The following CUX1 variants were observed in gnomAD, a reference collection of about 807,000 sequenced individuals.
The protein encoded by CUX1 is cut like homeobox 1, also known as protein CASP.
CUX1 carries 31 observed loss-of-function variants against 158.8 expected under a neutral mutation model. The ratio of observed to expected loss-of-function variants is 0.20; its 90% CI spans 0.15 to 0.26. The LOEUF (loss-of-function observed/expected upper bound fraction) is 0.26. CUX1 is among the 10% of genes least tolerant of loss of function. The pLI is 1.00. For synonymous variants in CUX1, 879 were observed against 862.1 expected (o/e 1.02, Z -0.34); for missense variants, 1,589 against 2,014.6 (o/e 0.79, Z 4.04).
intron 3 of CUX1, among the ~76,000 whole-genome samples, chr7:102,053,341 G>A (rs1230828853): frequency 6.6e-6 from 1 of 152,094 alleles, no homozygotes; most frequent in Non-Finnish European, 1.5e-5. Context: ...TATTTATGGG[G>A]TGGAGCACAT....
intron 3 of CUX1, among the ~76,000 whole-genome samples, chr7:102,053,455 ACTT>A (rs1347062891): frequency 6.6e-6 from 1 of 152,108 alleles, no homozygotes; most frequent in Admixed American, 6.6e-5. Context: ...ATCCGATTAT[ACTT>A]CTTTAATTGC....
intron 1 of CUX1, among the ~76,000 whole-genome samples, chr7:101,840,208 AAAT>A (rs1795072928): frequency 6.6e-6 from 1 of 152,200 alleles, no homozygotes; most frequent in Non-Finnish European, 1.5e-5. Flanking sequence ...TTTTCTCTGG[AAAT>A]AATATATGCA....
intron 8 of CUX1, among the ~76,000 whole-genome samples, chr7:102,129,520 CT>C (rs754543395): frequency 6.6e-6 from 1 of 151,978 alleles, no homozygotes; most frequent in Non-Finnish European, 1.5e-5. Context: ...CCTGTCTCTA[CT>C]AAAAATACAA....
intron 3 of CUX1, among the ~76,000 whole-genome samples, chr7:102,069,703 G>A (rs371021539): frequency 6.6e-6 from 1 of 152,182 alleles, no homozygotes; most frequent in Non-Finnish European, 1.5e-5. Context: ...AGCTGAGATC[G>A]TGCTACTGCA....
intron 2 of CUX1, among the ~76,000 whole-genome samples, chr7:101,917,034 C>T (rs955780836): frequency 2.0e-5 from 3 of 152,204 alleles, no homozygotes; most frequent in Non-Finnish European, 4.4e-5. Flanking sequence ...CCCAGCCTCT[C>T]TTACATCTTC....
At position 102,189,863 on chromosome 7, in the gene CUX1, A is replaced by G; in HGVS notation, c.1068A>G (p.Lys356=). 1.2e-6 allele frequency: 2 copies of G among 1,614,270 alleles called. No individual in the cohort carries two copies. The highest frequency in any genetic ancestry group is 1.1e-5 in the South Asian group (1 of 91,086). The change falls in exon 12 of 24, where the codon AAA becomes AAG. Residue 356 remains lysine, a synonymous_variant. Transcript: ENST00000292535. ...AGGCTGACTATGAAGAGGTGAAGAA[A>G]GAGCTGAAGTAAGTACGGAGAGCCC... ...KGQADYEEVK[K]ELNILKSMEF...
rs1386509512 is a variant in CUX1, at chr7:101,864,615, A to G, written c.30+46946A>G. On this transcript the variant is annotated intron_variant, in intron 1 of 23. Coordinates refer to ENST00000292535, the MANE Select transcript of CUX1 (RefSeq NM_181552.4). ...GCCCAGGCTGGGGTGCAGGGGTGCT[A>G]TCTTGGCTCACTGCAACCTCTGCCT... Among the ~76,000 whole-genome samples, 3 of 152,202 alleles carry G rather than the reference A, an allele frequency of 2.0e-5. No homozygotes were observed. In the South Asian group the frequency reaches 6.2e-4, roughly 32 times the overall value.
In CUX1 at chr7:102,202,188, G is replaced by A; in HGVS notation, c.2891G>A (p.Arg964Lys). The A allele has an allele frequency of 1.9e-6, 3 of 1,606,660 alleles. No individual in the cohort carries two copies. The highest frequency in any genetic ancestry group is 2.6e-6 in the Non-Finnish European group (3 of 1,174,866). ...CTGGCCAAGAACGGCATCTGCCAGA[G>A]AATCTTCGGGGAGAAGGTAAGGGAT... is the stretch of plus-strand genomic sequence containing the variant. ...EKLAKNGICQ[R>K]IFGEKVLGLS... is the part of the protein sequence containing the mutation. The change falls in exon 18 of 24, where the codon AGA becomes AAA. Residue 964 changes from arginine to lysine, a missense_variant. Arg to Lys is a conservative substitution (Grantham distance 26). Transcript: ENST00000292535.
At chr7:101,877,792 GTGTGTGTGTGTT>G (rs928572937) in intron 1 of CUX1, among the ~76,000 whole-genome samples, 1 of 87,938 alleles carries the variant, frequency 1.1e-5, no homozygotes, top group Admixed American at 1.2e-4. Context: ...GTGTGTGTGT[GTGTGTGTGTGTT>G]TATTAAAGCG....
chr7:101,852,667 A>ATTTTT (rs71106571), intron 1 of CUX1, among the ~76,000 whole-genome samples: 1 of 75,994 alleles, frequency 1.3e-5, no homozygotes, highest in African/African-American at 4.3e-5. Context: ...CTGCGTTGGA[A>ATTTTT]TTTTTTTTTT....
At chr7:102,244,547 C>T (rs1366078766) in intron 23 of CUX1, among the ~76,000 whole-genome samples, 7 of 151,848 alleles carry the variant, frequency 4.6e-5, no homozygotes, top group African/African-American at 1.5e-4. Flanking sequence ...AATAGAAAAA[C>T]AGGCGGGCGT....
intron 9 of CUX1, among the ~76,000 whole-genome samples, chr7:102,168,928 C>CTTTTT (rs1343334279): frequency 2.9e-5 from 1 of 34,094 alleles, no homozygotes; most frequent in Non-Finnish European, 6.2e-5. Flanking sequence ...CTTTTCTTTT[C>CTTTTT]TTTTATTTTC....
intron 3 of CUX1, among the ~76,000 whole-genome samples, chr7:102,048,785 C>T (rs988430805): frequency 3.3e-5 from 5 of 152,086 alleles, no homozygotes; most frequent in Admixed American, 1.3e-4. Context: ...ACTGAGATTG[C>T]GCCACTGCAC....
At chr7:102,273,601 A>G in intron 15 of CUX1, 1 of 1,379,452 alleles carries the variant, frequency 7.2e-7, no homozygotes, top group East Asian at 2.4e-5. Flanking sequence ...AGCTGGTGAC[A>G]ACCCAGAAGG....
chr7:102,026,893 G>A (rs913361928), intron 2 of CUX1, among the ~76,000 whole-genome samples: 10 of 149,830 alleles, frequency 6.7e-5, no homozygotes, highest in South Asian at 2.1e-4. Flanking sequence ...TATCTTAGTC[G>A]AGTCTTTTCA....
At chr7:102,245,210 T>C (rs940902898) in intron 23 of CUX1, among the ~76,000 whole-genome samples, 4 of 151,890 alleles carry the variant, frequency 2.6e-5, no homozygotes, top group Non-Finnish European at 5.9e-5. Flanking sequence ...ACCTGGCTAA[T>C]TTTTTGTATT....
intron 2 of CUX1, among the ~76,000 whole-genome samples, chr7:101,988,103 T>C (rs113784736): frequency 6.6e-6 from 1 of 152,098 alleles, no homozygotes; most frequent in East Asian, 1.9e-4. Flanking sequence ...TCCCAGCTAC[T>C]TGGGAGACTG....
chr7:102,139,572 A>G (rs1168615164), intron 8 of CUX1, among the ~76,000 whole-genome samples: 1 of 152,238 alleles, frequency 6.6e-6, no homozygotes, highest in African/African-American at 2.4e-5. Flanking sequence ...AGCCGGGGGT[A>G]CTGCCTGAGC....
intron 8 of CUX1, among the ~76,000 whole-genome samples, chr7:102,135,845 C>T (rs1409014000): frequency 2.6e-5 from 4 of 151,770 alleles, no homozygotes; most frequent in East Asian, 3.9e-4. Context: ...TGTGGTGGCG[C>T]GTGCCTATAG....
Sources: gnomAD v4.1 joint callset for allele counts (sites outside exome capture counted in the v4.1 genomes callset) on GRCh38, gnomAD v4.1.1 for gene constraint, MANE v1.5 for transcripts, NCBI Gene and HGNC (gene_info 2026-07-23, HGNC 2026-07-21) for gene names.